GLB1L2: variants seen among roughly 807,000 people sequenced by gnomAD.
GLB1L2 encodes beta-galactosidase-1-like protein 2.
A neutral mutation model predicts 84.1 loss-of-function variants in GLB1L2; 68 were observed. The observed-to-expected ratio is 0.81, with a 90% confidence interval of 0.67 to 0.99. The LOEUF (loss-of-function observed/expected upper bound fraction) is 0.99. Among genes scored for constraint, GLB1L2 ranks in the 50% least tolerant of loss-of-function variants. The pLI is 0.00. For missense variants in GLB1L2, 762 were observed against 805.6 expected, an observed-to-expected ratio of 0.95 and a Z score of 0.66; for synonymous variants, 290 against 318.0, an observed-to-expected ratio of 0.91 and a Z score of 0.94.
At chr11:134,357,982 A>G (rs569569770) in intron 6 of GLB1L2, among the ~76,000 whole-genome samples, 6 of 152,188 alleles carry the variant, frequency 3.9e-5, no homozygotes, top group Non-Finnish European at 8.8e-5. Context: ...GTGAGGTGGT[A>G]GATACAGGAC....
At chr11:134,363,817 GC>G (rs1425880317) in intron 7 of GLB1L2, among the ~76,000 whole-genome samples, 2 of 152,190 alleles carry the variant, frequency 1.3e-5, no homozygotes, top group African/African-American at 4.8e-5. Context: ...TCAGCTCTGT[GC>G]TGCTGTGGCG....
rs1943749005 is a variant in GLB1L2 at position 134,359,215 on chromosome 11, C to T, written c.733+74C>T. On this transcript the variant is annotated intron_variant, in intron 7 of 18. Transcript: ENST00000535456. ...GGCTGTGCACGCTCCCGCTGTGGGACTGCGACCCAAGTAGGAGTTTCTCTG... is the reference window on the plus strand; with the variant it reads ...GGCTGTGCACGCTCCCGCTGTGGGATTGCGACCCAAGTAGGAGTTTCTCTG... 3.5e-5 allele frequency: 35 copies of T among 1,007,246 alleles called. No individual in the cohort carries two copies. In the South Asian group the frequency reaches 5.1e-4, roughly 15 times the overall value. The allele number at this position is 1,007,246 out of a possible 1,614,324, so 62.4% of individuals were successfully genotyped here. A position where few individuals can be genotyped will look rare whatever the true frequency, so the allele number is the denominator to read the frequency against.
At chr11:134,374,472 C>A in intron 17 of GLB1L2, 130 bp from the exon 18 acceptor site, 1 of 801,050 alleles carries the variant, frequency 1.2e-6, no homozygotes, top group Non-Finnish European at 2.2e-6. Flanking sequence ...ATCCCACCTG[C>A]CCACCCTCAT....
At chr11:134,374,545 C>T (rs1164533220) in intron 17 of GLB1L2, 57 bp from the exon 18 acceptor site, 9 of 1,343,804 alleles carry the variant, frequency 6.7e-6, no homozygotes, top group Non-Finnish European at 9.6e-6. Context: ...TGCATGTCTC[C>T]CTCCACTTTT....
chr11:134,368,478 C>G (rs3741101), intron 9 of GLB1L2, among the ~76,000 whole-genome samples, 166 bp from the exon 10 acceptor site: 23,215 of 152,206 alleles, frequency 0.15, 2,487 homozygotes, highest in East Asian at 0.51. Flanking sequence ...CTCCTCCACC[C>G]CTAATCTTCT....
chr11:134,344,172 A>G (rs1245138973), intron 2 of GLB1L2, among the ~76,000 whole-genome samples: 1 of 152,204 alleles, frequency 6.6e-6, no homozygotes, highest in Non-Finnish European at 1.5e-5. Flanking sequence ...AGCCGGTCTT[A>G]TGCTTCATCC....
At chr11:134,360,187 C>G (rs1943763145) in intron 7 of GLB1L2, 1 of 152,394 alleles carries the variant, frequency 6.6e-6, no homozygotes, top group Non-Finnish European at 1.5e-5. Flanking sequence ...GCCTCCTGCA[C>G]CCGTGCTTGT....
rs1174265336 is a variant in GLB1L2, at chr11:134,338,905, C to G, written c.87-3849C>G. Among the ~76,000 whole-genome samples the G allele has an allele frequency of 2.0e-5, 3 of 152,164 alleles. No individual in the cohort carries two copies. Among genetic ancestry groups the G allele is most frequent in the Non-Finnish European group, 4.4e-5 (3 of 68,030 alleles). On this transcript the variant is annotated intron_variant, in intron 1 of 18. Transcript: ENST00000535456. The surrounding 1 kb of genome is among the most constrained non-coding windows in gnomAD (Gnocchi z 6.2). The stretch of plus-strand genomic sequence containing the variant: ...TCTCCATCCAGGTGGAGGAGCGGAG[C>G]CTGACTCTGAGCAGAGCAGACCTGG...
Position 134,332,112 on chromosome 11 carries a change from G to C in GLB1L2, c.51G>C (p.Leu17=). The change falls in exon 1 of 19, where the codon CTG becomes CTC. Residue 17 remains leucine (L), a synonymous_variant. Transcript: ENST00000535456. ...RRRPARTLGL[L]LLVVLGFLVL... ...GGCCGGCCCGCACGCTGGGACTCCTGCTGCTGGTCGTCTTGGGCTTCCTGG... is the reference window on the plus strand; with the variant it reads ...GGCCGGCCCGCACGCTGGGACTCCTCCTGCTGGTCGTCTTGGGCTTCCTGG... The C allele has an allele frequency of 6.3e-7, 1 of 1,590,012 alleles. No individual in the cohort carries two copies. The highest frequency in any genetic ancestry group is 8.5e-7 in the Non-Finnish European group (1 of 1,170,084).
chr11:134,344,041 A>T (rs1401884238), intron 2 of GLB1L2, among the ~76,000 whole-genome samples: 1 of 152,150 alleles, frequency 6.6e-6, no homozygotes, highest in Non-Finnish European at 1.5e-5. Context: ...TAAATATAGG[A>T]TGATCACCGA....
chr11:134,373,574 C>T, intron 15 of GLB1L2, 147 bp from the exon 16 acceptor site: 1 of 660,352 alleles, frequency 1.5e-6, no homozygotes, highest in Non-Finnish European at 2.7e-6. Context: ...GGAGCGTACA[C>T]TTCAGTACCC....
rs755643930 is a variant in GLB1L2, at chr11:134,347,306, C to T, written c.450-19C>T. 1.3e-6 allele frequency: 2 copies of T among 1,584,532 alleles called. No individual in the cohort carries two copies. Among genetic ancestry groups the T allele is most frequent in the Middle Eastern group, 1.7e-4 (1 of 6,014 alleles). On this transcript the variant is annotated intron_variant, in intron 4 of 18. Transcript: ENST00000535456. ...ACTGTGACACTAACATCCTTCCTTTCCCCCGTTTACACTTCAAGCTGGCTA... is the reference window on the plus strand; with the variant it reads ...ACTGTGACACTAACATCCTTCCTTTTCCCCGTTTACACTTCAAGCTGGCTA...
At chr11:134,349,896 G>A (rs1468008834) in intron 5 of GLB1L2, among the ~76,000 whole-genome samples, 1 of 152,148 alleles carries the variant, frequency 6.6e-6, no homozygotes, top group African/African-American at 2.4e-5. Context: ...TTTGGCTCAG[G>A]GTATGTCTAG....
chr11:134,351,484 T>TACTA (rs1943633195), intron 5 of GLB1L2, among the ~76,000 whole-genome samples: 1 of 152,048 alleles, frequency 6.6e-6, no homozygotes, highest in Non-Finnish European at 1.5e-5. Context: ...TAGCTGGGGT[T>TACTA]ACAAGCACCT....
At chr11:134,358,343 G>T (rs1200095846) in intron 6 of GLB1L2, among the ~76,000 whole-genome samples, 1 of 152,260 alleles carries the variant, frequency 6.6e-6, no homozygotes, top group Non-Finnish European at 1.5e-5. Context: ...CGTCTCTACT[G>T]TGAAGACAGC....
chr11:134,346,853 C>T (rs902893128), intron 4 of GLB1L2: 7 of 168,434 alleles, frequency 4.2e-5, no homozygotes, highest in South Asian at 1.5e-4. Context: ...GCGTTAGCCA[C>T]GTTGGCAAGG....
chr11:134,367,766 G>A (rs1295900478), intron 9 of GLB1L2, among the ~76,000 whole-genome samples: 1 of 152,200 alleles, frequency 6.6e-6, no homozygotes, highest in Non-Finnish European at 1.5e-5. Context: ...GCCAGTTAAT[G>A]CACATACGGA....
rs1943420048 is a variant in GLB1L2, at chr11:134,338,579, C to G, written c.87-4175C>G. Among the ~76,000 whole-genome samples, 1 of 152,168 alleles carries G rather than the reference C, an allele frequency of 6.6e-6. No individual in the cohort carries two copies. Among genetic ancestry groups the G allele is most frequent in the Admixed American group, 6.5e-5 (1 of 15,284 alleles). On this transcript the variant is annotated intron_variant, in intron 1 of 18. Coordinates refer to ENST00000535456, the MANE Select transcript of GLB1L2 (RefSeq NM_001370461.1). The surrounding 1 kb of genome is among the most constrained non-coding windows in gnomAD (Gnocchi z 6.2). ...TGTACCCTTCATCCTCAGGACCCAC[C>G]TCACCAGTCAAGGAAAAATTACTCC...
chr11:134,357,194 C>T (rs750893912), intron 6 of GLB1L2, among the ~76,000 whole-genome samples: 3 of 152,212 alleles, frequency 2.0e-5, no homozygotes, highest in East Asian at 1.9e-4. Context: ...ACCTGAAGGC[C>T]GGACGGCTTT....
Sources: gnomAD v4.1 joint callset for allele counts (sites outside exome capture counted in the v4.1 genomes callset) on GRCh38, gnomAD v4.1.1 for gene constraint, Gnocchi (gnomAD v3.1) non-coding constraint, MANE v1.5 for transcripts, NCBI Gene and HGNC (gene_info 2026-07-23, HGNC 2026-07-21) for gene names.